The following CDH18 variants were observed in gnomAD, a reference collection of about 807,000 sequenced individuals.
CDH18 encodes cadherin 18, also known as cadherin-18.
A neutral mutation model predicts 67.9 loss-of-function variants in CDH18; 31 were observed. The ratio of observed to expected loss-of-function variants is 0.46; its 90% CI spans 0.34 to 0.62. The LOEUF is 0.62. Ranked by LOEUF, CDH18 falls within the 20% of genes least tolerant of loss-of-function variation. The probability of loss-of-function intolerance (pLI) is 0.01; values close to 1 mark genes in which losing one functional copy is unlikely to be tolerated. For synonymous variants in CDH18, 362 were observed against 347.2 expected (o/e 1.04, Z -0.48); for missense variants, 890 against 975.5 (o/e 0.91, Z 1.17).
At chr5:20,430,004 C>T (rs936681183) in intron 1 of CDH18, among the ~76,000 whole-genome samples, 1 of 151,962 alleles carries the variant, frequency 6.6e-6, no homozygotes, top group African/African-American at 2.4e-5. Flanking sequence ...CTTCATTTCC[C>T]ACCAAATTTT....
At chr5:20,465,205 T>C (rs180810564) in intron 1 of CDH18, among the ~76,000 whole-genome samples, 12 of 150,574 alleles carry the variant, frequency 8.0e-5, no homozygotes, top group Admixed American at 7.9e-4. Flanking sequence ...ACATTAAGAG[T>C]AAGCAATGAA....
At chr5:20,335,215 A>T (rs1561982175) in intron 1 of CDH18, among the ~76,000 whole-genome samples, 1 of 151,858 alleles carries the variant, frequency 6.6e-6, no homozygotes, top group African/African-American at 2.4e-5. Flanking sequence ...AGCAAGGTGG[A>T]CTTCTTCTTG....
intron 1 of CDH18, among the ~76,000 whole-genome samples, chr5:20,271,631 C>T (rs1211294053): frequency 1.3e-5 from 2 of 151,904 alleles, no homozygotes; most frequent in African/African-American, 2.4e-5. Context: ...ACACCACACA[C>T]GTCACACACA....
chr5:20,567,890 A>G (rs1002148073), intron 1 of CDH18, among the ~76,000 whole-genome samples: 1 of 152,162 alleles, frequency 6.6e-6, no homozygotes, highest in Non-Finnish European at 1.5e-5. Flanking sequence ...AATAAGAATA[A>G]AATGTCATAT....
intron 1 of CDH18, among the ~76,000 whole-genome samples, chr5:20,288,227 A>G (rs1405880029): frequency 1.3e-5 from 2 of 151,828 alleles, no homozygotes; most frequent in Non-Finnish European, 1.5e-5. Context: ...ATCTTCTCAG[A>G]TGACTGAAAT....
intron 2 of CDH18, among the ~76,000 whole-genome samples, chr5:19,969,983 T>C (rs1443583530): frequency 6.6e-6 from 1 of 151,950 alleles, no homozygotes; most frequent in Non-Finnish European, 1.5e-5. Context: ...GTGGAGAAGA[T>C]CTGCTCATTG....
chr5:20,212,668 G>C (rs1215176228), intron 2 of CDH18, among the ~76,000 whole-genome samples: 1 of 151,768 alleles, frequency 6.6e-6, no homozygotes, highest in Non-Finnish European at 1.5e-5. Context: ...TTCATATCCG[G>C]CCGAACTAAG....
At chr5:20,181,937 GCT>G (rs1561856822) in intron 2 of CDH18, among the ~76,000 whole-genome samples, 1 of 151,932 alleles carries the variant, frequency 6.6e-6, no homozygotes, top group Non-Finnish European at 1.5e-5. Flanking sequence ...TTCTTTCCTC[GCT>G]CTGTCTCAAA....
At chr5:20,037,884 A>G (rs1188406116) in intron 2 of CDH18, among the ~76,000 whole-genome samples, 2 of 152,210 alleles carry the variant, frequency 1.3e-5, no homozygotes, top group East Asian at 3.9e-4. Context: ...AGAGACACAA[A>G]AAACCCTTCA....
At chr5:20,246,407 T>G (rs1743378841) in intron 2 of CDH18, among the ~76,000 whole-genome samples, 1 of 152,194 alleles carries the variant, frequency 6.6e-6, no homozygotes, top group Non-Finnish European at 1.5e-5. Context: ...TTTGTTGTTG[T>G]TTTTATTTAT....
intron 10 of CDH18, among the ~76,000 whole-genome samples, chr5:19,507,549 TA>T (rs1488175130): frequency 1.1e-4 from 17 of 152,280 alleles, no homozygotes; most frequent in Admixed American, 9.2e-4. Flanking sequence ...ATGTGGCATG[TA>T]TACACCATGA....
chr5:20,241,201 GT>G (rs1742867963), intron 2 of CDH18, among the ~76,000 whole-genome samples: 1 of 152,090 alleles, frequency 6.6e-6, no homozygotes, highest in Non-Finnish European at 1.5e-5. Context: ...TCTTGTAAAA[GT>G]GTCAAAACAA....
At chr5:20,438,341 AG>A (rs1326088200) in intron 1 of CDH18, among the ~76,000 whole-genome samples, 2 of 151,008 alleles carry the variant, frequency 1.3e-5, no homozygotes, top group East Asian at 3.9e-4. Context: ...AAATGTAGAA[AG>A]AAAATAATTC....
intron 1 of CDH18, among the ~76,000 whole-genome samples, chr5:20,552,368 T>C (rs1045783554): frequency 6.6e-5 from 10 of 151,986 alleles, no homozygotes; most frequent in African/African-American, 2.2e-4. Flanking sequence ...TCCCAGCTAC[T>C]TGAGAGGCTG....
chr5:19,917,624 TC>T (rs924935780), intron 2 of CDH18, among the ~76,000 whole-genome samples: 4 of 152,120 alleles, frequency 2.6e-5, no homozygotes, highest in African/African-American at 9.7e-5. Context: ...TGGTATTCAT[TC>T]CGTGTATCGC....
At chr5:19,697,615 T>C (rs1762698506) in intron 5 of CDH18, among the ~76,000 whole-genome samples, 1 of 152,186 alleles carries the variant, frequency 6.6e-6, no homozygotes, top group South Asian at 2.1e-4. Context: ...AGTGGCATGA[T>C]TGAATACTCC....
Position 19,543,889 on chromosome 5 carries a change from G to A in CDH18, c.1370C>T (p.Thr457Ile). 1.3e-6 allele frequency: 2 copies of A among 1,581,746 alleles called. No homozygotes were observed. Among genetic ancestry groups the A allele is most frequent in the South Asian group, 1.2e-5 (1 of 85,730 alleles). Residue 457 changes from threonine (T) to isoleucine (I), a missense_variant, in exon 9 of 13, where the codon ACA becomes ATA. Around this residue, in one of 2 missense-constraint regions of CDH18, gnomAD observed 656 missense variants for 668.1 expected, o/e 0.98. Transcript: ENST00000382275. ...DREETPWYNI[T>I]VTASEIDNPD... ...TTTACCAATTTCTGAAGCAGTGACTGTGATGTTGTACCATGGAGTTTCTTC... is the reference window on the plus strand; with the variant it reads ...TTTACCAATTTCTGAAGCAGTGACTATGATGTTGTACCATGGAGTTTCTTC...
intron 2 of CDH18, among the ~76,000 whole-genome samples, chr5:20,052,176 C>A (rs1208295202): frequency 6.6e-6 from 1 of 152,104 alleles, no homozygotes; most frequent in Non-Finnish European, 1.5e-5. Flanking sequence ...GGAATAGCAA[C>A]TAAGTTCTAC....
intron 2 of CDH18, among the ~76,000 whole-genome samples, chr5:19,955,112 C>T (rs1222309030): frequency 6.6e-6 from 1 of 152,192 alleles, no homozygotes; most frequent in African/African-American, 2.4e-5. Context: ...CTTAGCTTGG[C>T]ACTTCTCCTT....
Sources: allele counts gnomAD v4.1 joint callset (sites outside exome capture counted in the v4.1 genomes callset), GRCh38; gene constraint gnomAD v4.1.1; regional missense constraint gnomAD v4.1.1; transcripts MANE v1.5; gene names NCBI Gene and HGNC (gene_info 2026-07-23, HGNC 2026-07-21).